EHMT1: variants seen among roughly 807,000 people sequenced by gnomAD.
The protein encoded by EHMT1 is euchromatic histone lysine methyltransferase 1.
Under a neutral mutation model 147.2 loss-of-function variants are expected in EHMT1, and 15 were observed. The observed-to-expected ratio is 0.10, with a 90% CI of 0.07 to 0.16. The LOEUF (loss-of-function observed/expected upper bound fraction) is 0.16, where lower values mean the gene tolerates loss of function less well. Among genes scored for constraint, EHMT1 ranks in the 10% least tolerant of loss-of-function variants. EHMT1 has a pLI of 1.00. For synonymous variants in EHMT1, 795 were observed against 709.6 expected (o/e 1.12, Z -1.91); for missense variants, 1,587 against 1,772.4 (o/e 0.90, Z 1.88).
Position 137,834,789 on chromosome 9 carries a change from C to G in EHMT1, c.3733C>G (p.Arg1245Gly). 1 of 1,613,246 alleles carries G rather than the reference C, an allele frequency of 6.2e-7. No homozygotes were observed. Among genetic ancestry groups the G allele is most frequent in the African/African-American group, 1.3e-5 (1 of 75,024 alleles). Residue 1245 changes from arginine to glycine, a missense_variant, in exon 27 of 27, where the codon CGC becomes GGC. Physicochemically the swap from Arg to Gly is moderately radical, Grantham distance 125. Coordinates refer to ENST00000460843, the MANE Select transcript of EHMT1 (RefSeq NM_024757.5). ...GEQLGFDYGERFWDIKGKLFS... is the reference protein window; with the variant it reads ...GEQLGFDYGEGFWDIKGKLFS... ...CCTCCCCAGGTTTGACTATGGAGAG[C>G]GCTTCTGGGACATCAAAGGCAAGCT...
intron 1 of EHMT1, among the ~76,000 whole-genome samples, chr9:137,686,706 G>A (rs1325411854): frequency 6.7e-6 from 1 of 150,092 alleles, no homozygotes; most frequent in African/African-American, 2.5e-5. Context: ...CATGGCATGA[G>A]GTAGGGGTCC....
At chr9:137,726,367 C>T (rs1211669726) in intron 3 of EHMT1, among the ~76,000 whole-genome samples, 1 of 152,196 alleles carries the variant, frequency 6.6e-6, no homozygotes, top group African/African-American at 2.4e-5. Flanking sequence ...TGGAATGGTA[C>T]AACGTTTGTT....
intron 1 of EHMT1, among the ~76,000 whole-genome samples, chr9:137,639,962 C>G (rs1844363173): frequency 6.6e-6 from 1 of 152,200 alleles, no homozygotes; most frequent in South Asian, 2.1e-4. Flanking sequence ...GAGACGGAGT[C>G]TCGCTCTTGT....
chr9:137,778,961 C>T (rs1951170116), intron 13 of EHMT1, among the ~76,000 whole-genome samples: 1 of 152,134 alleles, frequency 6.6e-6, no homozygotes, highest in Admixed American at 6.5e-5. Flanking sequence ...TCTTAAGCGA[C>T]CAGATCTTGT....
chr9:137,812,692 CT>C lies in EHMT1; in HGVS notation c.2868-312del, dbSNP rs375785169. On this transcript the variant is annotated intron_variant, in intron 19 of 26. Coordinates refer to ENST00000460843, the MANE Select transcript of EHMT1 (RefSeq NM_024757.5). ...GCCTCTCTCCCTCCTTGCTTCCCTT[CT>C]TATCCTTGAGGGTAAATTTGAATGA... Among the ~76,000 whole-genome samples the C allele has an allele frequency of 1.4e-4, 22 of 152,370 alleles. No individual in the cohort carries two copies. The South Asian group carries it at 4.6e-3, about 32-fold the overall frequency.
intron 25 of EHMT1, among the ~76,000 whole-genome samples, chr9:137,830,100 CTTTT>C (rs899678086): frequency 7.2e-6 from 1 of 139,326 alleles, no homozygotes; most frequent in Non-Finnish European, 1.5e-5. Flanking sequence ...TGGATTTTTA[CTTTT>C]TTTTTTTGTT....
At chr9:137,755,340 G>A (rs1321831577) in intron 8 of EHMT1, among the ~76,000 whole-genome samples, 1 of 152,146 alleles carries the variant, frequency 6.6e-6, no homozygotes, top group South Asian at 2.1e-4. Context: ...GAACTGTGTG[G>A]TTGTTTTTCA....
chr9:137,729,652 G>A (rs1049499896), intron 4 of EHMT1, among the ~76,000 whole-genome samples: 2 of 151,874 alleles, frequency 1.3e-5, no homozygotes, highest in Non-Finnish European at 2.9e-5. Flanking sequence ...AAAATTCTAC[G>A]AATAAGTCCT....
intron 1 of EHMT1, among the ~76,000 whole-genome samples, chr9:137,706,960 G>A (rs1156353483): frequency 6.6e-6 from 1 of 151,560 alleles, no homozygotes; most frequent in East Asian, 1.9e-4. Flanking sequence ...GAGTAGCTGG[G>A]ATTACAGGCA....
chr9:137,795,401 G>GCACACACA (rs554055210), intron 16 of EHMT1, among the ~76,000 whole-genome samples: 3,479 of 130,222 alleles, frequency 0.027, 63 homozygotes, highest in Middle Eastern at 0.069. Flanking sequence ...ATCGCAGGGT[G>GCACACACA]CACACACACA....
In EHMT1 at chr9:137,716,671, G is replaced by A; in HGVS notation, c.131G>A (p.Gly44Glu). ...ADEGSAEKQA[G>E]EAHMAADGET... ...GAAGGCTCAGCAGAGAAACAGGCAG[G>A]AGAGGCCCACATGGCTGCGGACGGT... is the stretch of plus-strand genomic sequence containing the variant. Residue 44 changes from glycine (G) to glutamate (E), a missense_variant, in exon 3 of 27, where the codon GGA becomes GAA. This residue lies in a region of EHMT1 where 810 missense variants were observed against 673.0 expected (regional missense o/e 1.20). Transcript: ENST00000460843. 1 of 1,600,648 alleles carries A rather than the reference G, an allele frequency of 6.2e-7. No individual in the cohort carries two copies. Among genetic ancestry groups the A allele is most frequent in the Non-Finnish European group, 8.5e-7 (1 of 1,171,056 alleles).
At chr9:137,671,820 G>C (rs1377959437) in intron 1 of EHMT1, among the ~76,000 whole-genome samples, 1 of 152,186 alleles carries the variant, frequency 6.6e-6, no homozygotes, top group East Asian at 1.9e-4. Context: ...CAGCCACTGT[G>C]CCTGGGCCTG....
chr9:137,674,762 G>C (rs1381813463), intron 1 of EHMT1: 2 of 152,280 alleles, frequency 1.3e-5, no homozygotes, highest in African/African-American at 4.8e-5. Flanking sequence ...GGTCACCACA[G>C]GGCAGCCCGT....
In EHMT1 at chr9:137,720,602, C is replaced by T. The variant is rs1234627835; in HGVS notation, c.642+3420C>T. Reference sequence around the variant, plus strand: ...ATGGGCATGATCCAACGTGCCCGGCCTATTTCTGATTTTATATAAATGGAA... The same window carrying T: ...ATGGGCATGATCCAACGTGCCCGGCTTATTTCTGATTTTATATAAATGGAA... On this transcript the variant is annotated intron_variant, in intron 3 of 26. Coordinates refer to ENST00000460843, the MANE Select transcript of EHMT1 (RefSeq NM_024757.5). Among the ~76,000 whole-genome samples, 4 of 152,312 alleles carry T rather than the reference C, an allele frequency of 2.6e-5. No individual in the cohort carries two copies. In the East Asian group the frequency reaches 7.7e-4, roughly 29 times the overall value.
intron 3 of EHMT1, among the ~76,000 whole-genome samples, chr9:137,717,976 T>G (rs1824552864): frequency 1.3e-5 from 2 of 152,124 alleles, no homozygotes; most frequent in Admixed American, 1.3e-4. Context: ...GCAGAATGAG[T>G]CTTGAATCCT....
intron 25 of EHMT1, chr9:137,834,110 C>A (rs1588945856): frequency 1.7e-6 from 1 of 598,738 alleles, no homozygotes; most frequent in Non-Finnish European, 2.9e-6. Context: ...ACCACCCCCA[C>A]CCCACCACAG....
At chr9:137,815,460 G>C (rs980916878) in intron 22 of EHMT1, 3 of 248,306 alleles carry the variant, frequency 1.2e-5, no homozygotes, top group African/African-American at 6.6e-5. Flanking sequence ...CACAGCCCTG[G>C]GGGAGCATCT....
At chr9:137,658,008 A>G (rs1355617340) in intron 1 of EHMT1, among the ~76,000 whole-genome samples, 1 of 152,184 alleles carries the variant, frequency 6.6e-6, no homozygotes, top group Non-Finnish European at 1.5e-5. Flanking sequence ...CACTTAACAC[A>G]GTGACCTCCA....
At chr9:137,759,128 TA>T (rs1175611857) in intron 9 of EHMT1, among the ~76,000 whole-genome samples, 4 of 146,856 alleles carry the variant, frequency 2.7e-5, no homozygotes, top group Admixed American at 6.8e-5. Flanking sequence ...CCGTCTCAAT[TA>T]AAAAAAAAAC....
Sources: gnomAD v4.1 joint callset for allele counts (sites outside exome capture counted in the v4.1 genomes callset) on GRCh38, gnomAD v4.1.1 for gene constraint, gnomAD v4.1.1 regional missense constraint, MANE v1.5 for transcripts, NCBI Gene and HGNC (gene_info 2026-07-23, HGNC 2026-07-21) for gene names.